Variants in ITIH5 observed in about 807,000 individuals in gnomAD.
ITIH5 encodes the protein inter-alpha-trypsin inhibitor heavy chain H5.
Under a neutral mutation model 77.5 loss-of-function variants are expected in ITIH5, and 65 were observed. The observed-to-expected ratio is 0.84, with a 90% CI of 0.69 to 1.03. The LOEUF (loss-of-function observed/expected upper bound fraction) is 1.03, where lower values mean the gene tolerates loss of function less well. Among genes scored for constraint, ITIH5 ranks in the 50% least tolerant of loss-of-function variants. The pLI is 0.00. For synonymous variants in ITIH5, 525 were observed against 494.3 expected (o/e 1.06, Z -0.82); for missense variants, 1,208 against 1,213.1 (o/e 1.00, Z 0.06).
At chr10:7,603,302 C>T (rs1377409234) in intron 7 of ITIH5, among the ~76,000 whole-genome samples, 5 of 152,142 alleles carry the variant, frequency 3.3e-5, no homozygotes, top group African/African-American at 9.7e-5. Flanking sequence ...CACAAAAGGC[C>T]GCACACTGTG....
chr10:7,644,818 TCATATATATCACATATATATCA>T (rs71515480), intron 2 of ITIH5, among the ~76,000 whole-genome samples: 30 of 106,280 alleles, frequency 2.8e-4, no homozygotes, highest in African/African-American at 1.2e-3. Context: ...CACATATATA[TCATATATATCACATATATATCA>T]CATATATATC....
Position 7,563,778 on chromosome 10 carries a change from G to A in ITIH5, c.2528-394C>T, listed in dbSNP as rs866960113. Among the ~76,000 whole-genome samples the A allele has an allele frequency of 1.1e-4, 17 of 152,324 alleles. 1 individual carries two copies. Among genetic ancestry groups the A allele is most frequent in the Admixed American group, 7.2e-4 (11 of 15,298 alleles). ...TTTCTATCCGTCTCAGGTCTGTGCC[G>A]GGTGGGGGTGGAAAGCAGTCAGCTC... is the stretch of plus-strand genomic sequence containing the variant. On this transcript the variant is annotated intron_variant, in intron 13 of 13. Coordinates refer to ENST00000397146, the MANE Select transcript of ITIH5 (RefSeq NM_030569.7).
At chr10:7,660,999 C>A (rs1834267802) in intron 1 of ITIH5, among the ~76,000 whole-genome samples, 1 of 152,244 alleles carries the variant, frequency 6.6e-6, no homozygotes, top group African/African-American at 2.4e-5. Context: ...GGCGAGCCCG[C>A]ATTACCGGCT....
In ITIH5 at chr10:7,559,612, T is replaced by G. The variant is rs888753831; in HGVS notation, c.*3471A>C. 1 of 262,222 alleles carries G rather than the reference T, an allele frequency of 3.8e-6. No individual in the cohort carries two copies. The highest frequency in any genetic ancestry group is 4.4e-5 in the South Asian group (1 of 22,698). 16.2% of individuals were successfully genotyped at this position (262,222 alleles called of 1,614,324 possible). On this transcript the variant is annotated 3_prime_UTR_variant, in exon 14 of 14. Coordinates refer to ENST00000397146, the MANE Select transcript of ITIH5 (RefSeq NM_030569.7). ...AAAGAACAGAAAAAGAATTAACGTT[T>G]TGAATGATTTGGTGTCTTAGTCAGC...
chr10:7,612,398 G>T (rs368317994), intron 7 of ITIH5, among the ~76,000 whole-genome samples: 58 of 152,182 alleles, frequency 3.8e-4, no homozygotes, highest in Non-Finnish European at 7.6e-4. Flanking sequence ...GTATTGGACA[G>T]CACAGGTGTA....
intron 7 of ITIH5, among the ~76,000 whole-genome samples, chr10:7,612,202 A>G (rs1332778903): frequency 6.6e-6 from 1 of 152,234 alleles, no homozygotes; most frequent in Non-Finnish European, 1.5e-5. Flanking sequence ...AAAAATGGAA[A>G]TGGCTGAAAA....
At chr10:7,664,324 C>G (rs1049838206) in intron 1 of ITIH5, among the ~76,000 whole-genome samples, 4 of 150,318 alleles carry the variant, frequency 2.7e-5, no homozygotes, top group Non-Finnish European at 5.9e-5. Context: ...CACTTGAACC[C>G]AGGAGCCAGA....
At chr10:7,578,572 G>A (rs528713986) in intron 9 of ITIH5, 5 of 152,414 alleles carry the variant, frequency 3.3e-5, no homozygotes, top group Admixed American at 6.5e-5. Context: ...ATTAAAATGC[G>A]TGGGAGGAAA....
chr10:7,578,379 T>A (rs1376311530), intron 9 of ITIH5: 1 of 167,452 alleles, frequency 6.0e-6, no homozygotes, highest in Admixed American at 6.5e-5. Context: ...ATGCCAGGTA[T>A]CGATCATAGT....
Position 7,576,663 on chromosome 10 carries a change from GCCAGGAGCT to G in ITIH5, c.1759_1767del (p.Ser587_Trp589del), listed in dbSNP as rs758773236. On this transcript the variant is annotated inframe_deletion, in exon 10 of 14. Transcript: ENST00000397146. The stretch of plus-strand genomic sequence containing the variant: ...TTCTCCGGTTCATCGTCACTTTGCA[GCCAGGAGCT>G]CAGCAGCTCCTTTGTGGTGAGGTAG... The G allele has an allele frequency of 6.2e-7, 1 of 1,614,198 alleles. No homozygotes were observed.
chr10:7,634,642 A>G (rs1364590001), intron 5 of ITIH5, among the ~76,000 whole-genome samples: 2 of 152,178 alleles, frequency 1.3e-5, no homozygotes, highest in African/African-American at 4.8e-5. Flanking sequence ...ACTCCCTCCA[A>G]ACAAAACACA....
chr10:7,643,738 A>G (rs969195931), intron 2 of ITIH5, among the ~76,000 whole-genome samples: 1 of 152,218 alleles, frequency 6.6e-6, no homozygotes, highest in Admixed American at 6.5e-5. Flanking sequence ...AAACAGATAT[A>G]AGGTTGCGAC....
chr10:7,633,399 T>C (rs1321613519), intron 5 of ITIH5, among the ~76,000 whole-genome samples: 1 of 151,706 alleles, frequency 6.6e-6, no homozygotes, highest in Non-Finnish European at 1.5e-5. Context: ...TAAAGTAAAC[T>C]GAGGCAAAGG....
At chr10:7,570,048 A>C in intron 11 of ITIH5, 13 of 288,376 alleles carry the variant, frequency 4.5e-5, no homozygotes, top group Non-Finnish European at 6.4e-5. Context: ...ACCTCAGCTC[A>C]GTCTAGACAA....
Position 7,566,324 on chromosome 10 carries a change from T to C in ITIH5, c.2233A>G (p.Thr745Ala), listed in dbSNP as rs777302839. Residue 745 changes from threonine (T) to alanine (A), a missense_variant, in exon 13 of 14, where the codon ACC becomes GCC. Transcript: ENST00000397146. ...KKQRTYLRTI[T>A]ILINKPERSY... The stretch of plus-strand genomic sequence containing the variant: ...CTCTCTGGCTTGTTGATGAGGATGG[T>C]GATAGTGCGCAAGTAAGTGCGCTGT... 1.2e-5 allele frequency: 20 copies of C among 1,613,284 alleles called. No individual in the cohort carries two copies. The highest frequency in any genetic ancestry group is 5.0e-5 in the Admixed American group (3 of 59,952).
intron 2 of ITIH5, among the ~76,000 whole-genome samples, chr10:7,646,396 T>C (rs1202760607): frequency 6.6e-6 from 1 of 152,236 alleles, no homozygotes; most frequent in Non-Finnish European, 1.5e-5. Context: ...CCAGAGACAA[T>C]GTTTGACAAC....
At chr10:7,602,047 T>C (rs1833026278) in intron 7 of ITIH5, among the ~76,000 whole-genome samples, 1 of 151,986 alleles carries the variant, frequency 6.6e-6, no homozygotes, top group Non-Finnish European at 1.5e-5. Flanking sequence ...AGAGACAGGG[T>C]TTCACCATGT....
At chr10:7,586,806 T>C (rs890861426) in intron 7 of ITIH5, among the ~76,000 whole-genome samples, 3 of 151,852 alleles carry the variant, frequency 2.0e-5, no homozygotes, top group African/African-American at 7.3e-5. Context: ...ATTTAAAGAA[T>C]ACATTGAAAG....
chr10:7,634,769 A>G (rs116116212), intron 5 of ITIH5, among the ~76,000 whole-genome samples: 1,748 of 152,222 alleles, frequency 0.011, 30 homozygotes, highest in African/African-American at 0.039. Flanking sequence ...TGACACAGCT[A>G]CTGAATGTGT....
Sources: gnomAD v4.1 joint callset for allele counts (sites outside exome capture counted in the v4.1 genomes callset) on GRCh38, gnomAD v4.1.1 for gene constraint, MANE v1.5 for transcripts, NCBI Gene and HGNC (gene_info 2026-07-23, HGNC 2026-07-21) for gene names.